ATP23: variants seen among roughly 807,000 people sequenced by gnomAD.
The protein encoded by ATP23 is mitochondrial inner membrane protease ATP23 homolog.
A neutral mutation model predicts 28.5 loss-of-function variants in ATP23; 24 were observed. That is an observed-to-expected ratio of 0.84 (90% CI 0.61 to 1.18). ATP23 has a LOEUF of 1.18. ATP23 is among the 50% of genes most tolerant of loss of function. The probability of loss-of-function intolerance (pLI) is 0.00; values close to 1 mark genes in which losing one functional copy is unlikely to be tolerated. For synonymous variants in ATP23, 99 were observed against 108.6 expected, an observed-to-expected ratio of 0.91 and a Z score of 0.55; for missense variants, 274 against 306.4, an observed-to-expected ratio of 0.89 and a Z score of 0.79.
intron 5 of ATP23, among the ~76,000 whole-genome samples, chr12:57,955,714 G>T (rs564335606): frequency 1.3e-5 from 2 of 152,102 alleles, no homozygotes; most frequent in Non-Finnish European, 2.9e-5. Flanking sequence ...GCTTCACATG[G>T]TTCTTCCTTT....
At chr12:57,948,730 G>A (rs1956787274) in intron 3 of ATP23, among the ~76,000 whole-genome samples, 1 of 152,046 alleles carries the variant, frequency 6.6e-6, no homozygotes, top group African/African-American at 2.4e-5. Context: ...TAGGACTTCA[G>A]AAGCCTTCGT....
intron 1 of ATP23, among the ~76,000 whole-genome samples, chr12:57,942,842 A>G (rs774247641): frequency 4.6e-5 from 7 of 152,228 alleles, no homozygotes; most frequent in Non-Finnish European, 8.8e-5. Context: ...ACAACTGCCC[A>G]TTGACAAATT....
chr12:57,952,958 A>G (rs982603949), intron 4 of ATP23, among the ~76,000 whole-genome samples: 3 of 152,210 alleles, frequency 2.0e-5, no homozygotes, highest in Non-Finnish European at 2.9e-5. Flanking sequence ...ATCTGAAAAT[A>G]TGTCCTAATT....
At chr12:57,945,182 T>C (rs1033701607) in intron 1 of ATP23, among the ~76,000 whole-genome samples, 2 of 152,232 alleles carry the variant, frequency 1.3e-5, no homozygotes, top group African/African-American at 4.8e-5. Flanking sequence ...ACAAACTTGC[T>C]TTGATGTTGA....
In ATP23 at chr12:57,945,614, A is replaced by C. The variant is rs761232084; in HGVS notation, c.188-14A>C. ...ACTTTTCCAATTACTTAATTAAATCAATATCTTTTTTAGATCCATATGTCA... is the reference window on the plus strand; with the variant it reads ...ACTTTTCCAATTACTTAATTAAATCCATATCTTTTTTAGATCCATATGTCA... On this transcript the variant is annotated splice_polypyrimidine_tract_variant and intron_variant, in intron 1 of 5. Transcript: ENST00000300145. 3.1e-6 allele frequency: 5 copies of C among 1,606,876 alleles called. No individual in the cohort carries two copies. The South Asian group carries it at 5.5e-5, about 18-fold the overall frequency.
chr12:57,952,219 T>G (rs1367059988), intron 4 of ATP23, among the ~76,000 whole-genome samples: 2 of 152,136 alleles, frequency 1.3e-5, no homozygotes, highest in Non-Finnish European at 2.9e-5. Flanking sequence ...AAAAAAATAA[T>G]TAAAATTTAC....
chr12:57,958,626 A>G lies in ATP23; in HGVS notation c.*1736A>G, dbSNP rs1470174410. On this transcript the variant is annotated 3_prime_UTR_variant, in exon 6 of 6. Coordinates refer to ENST00000300145, the MANE Select transcript of ATP23 (RefSeq NM_033276.4). ...AGACTCACTGGGTGGCTAGACCCAG[A>G]AGAGAGACAACAATCACAGCAGTTT... Among the ~76,000 whole-genome samples the G allele has an allele frequency of 6.6e-6, 1 of 152,218 alleles. No individual in the cohort carries two copies. The highest frequency in any genetic ancestry group is 2.4e-5 in the African/African-American group (1 of 41,460).
At chr12:57,956,484 C>G (rs1956868248) in intron 5 of ATP23, among the ~76,000 whole-genome samples, 1 of 151,774 alleles carries the variant, frequency 6.6e-6, no homozygotes, top group Non-Finnish European at 1.5e-5. Flanking sequence ...TTACTTATGC[C>G]TAAATAATTT....
intron 1 of ATP23, among the ~76,000 whole-genome samples, chr12:57,945,072 T>C (rs1956746881): frequency 1.3e-5 from 2 of 152,250 alleles, no homozygotes; most frequent in South Asian, 4.1e-4. Flanking sequence ...TACAACGTGT[T>C]TGATCATTTA....
chr12:57,956,154 A>G (rs924742360), intron 5 of ATP23, among the ~76,000 whole-genome samples: 12 of 152,188 alleles, frequency 7.9e-5, no homozygotes, highest in African/African-American at 2.7e-4. Flanking sequence ...TTTAATTTCC[A>G]CACCCCCTAA....
intron 3 of ATP23, among the ~76,000 whole-genome samples, chr12:57,949,567 C>T (rs1460646751): frequency 2.0e-5 from 3 of 152,108 alleles, no homozygotes; most frequent in Non-Finnish European, 4.4e-5. Flanking sequence ...AATCATGGCT[C>T]ACTACAGCCT....
chr12:57,943,148 G>T (rs1422734136), intron 1 of ATP23, among the ~76,000 whole-genome samples: 1 of 152,162 alleles, frequency 6.6e-6, no homozygotes, highest in African/African-American at 2.4e-5. Flanking sequence ...GTACAAATAT[G>T]TATTGAGTGC....
intron 1 of ATP23, among the ~76,000 whole-genome samples, chr12:57,942,248 G>A (rs1183215348): frequency 6.6e-6 from 1 of 152,176 alleles, no homozygotes; most frequent in Non-Finnish European, 1.5e-5. Flanking sequence ...GGCACACAAA[G>A]GCTGTAAAAA....
At chr12:57,953,517 T>G in intron 4 of ATP23, 89 bp from the exon 5 acceptor site, 2 of 1,063,646 alleles carry the variant, frequency 1.9e-6, no homozygotes, top group South Asian at 3.0e-5. Context: ...AATTTTATAT[T>G]CTTTTCTAAT....
At chr12:57,953,447 A>G (rs1956833814) in intron 4 of ATP23, among the ~76,000 whole-genome samples, 159 bp from the exon 5 acceptor site, 1 of 152,246 alleles carries the variant, frequency 6.6e-6, no homozygotes, top group Non-Finnish European at 1.5e-5. Context: ...TTGTCAATAG[A>G]GTTTAAAAAG....
chr12:57,956,329 A>C lies in ATP23; in HGVS notation c.538-358A>C, dbSNP rs553429004. ...TTTTAAATTTAATTAAATTTTATCA[A>C]AAAGTCAATCAGGACTTTATAGACT... On this transcript the variant is annotated intron_variant, in intron 5 of 5. Transcript: ENST00000300145. Among the ~76,000 whole-genome samples the C allele has an allele frequency of 2.9e-4, 44 of 152,210 alleles. 1 individual carries two copies. The East Asian group carries it at 8.5e-3, about 29-fold the overall frequency.
intron 1 of ATP23, among the ~76,000 whole-genome samples, chr12:57,942,399 ATG>A (rs142109533): frequency 3.4e-5 from 5 of 148,048 alleles, no homozygotes; most frequent in Non-Finnish European, 3.0e-5. Flanking sequence ...AATCGTGTGT[ATG>A]TGTGTGTGTG....
intron 3 of ATP23, among the ~76,000 whole-genome samples, chr12:57,951,097 G>A (rs1481726886): frequency 6.6e-6 from 1 of 152,116 alleles, no homozygotes; most frequent in Admixed American, 6.5e-5. Context: ...TTCTTATAGG[G>A]TCCTGCTCAG....
intron 1 of ATP23, among the ~76,000 whole-genome samples, chr12:57,943,949 G>A (rs543499867): frequency 1.3e-5 from 2 of 150,804 alleles, no homozygotes; most frequent in South Asian, 4.2e-4. Flanking sequence ...TGGGTGGGGC[G>A]TGGTGGTGGA....
Sources: allele counts gnomAD v4.1 joint callset (sites outside exome capture counted in the v4.1 genomes callset), GRCh38; gene constraint gnomAD v4.1.1; transcripts MANE v1.5; gene names NCBI Gene and HGNC (gene_info 2026-07-23, HGNC 2026-07-21).